Variants in STARD13 observed in about 807,000 individuals in gnomAD.
STARD13 encodes StAR related lipid transfer domain containing 13.
Under a neutral mutation model 106.4 loss-of-function variants are expected in STARD13, and 62 were observed. The observed-to-expected ratio is 0.58, with a 90% confidence interval of 0.48 to 0.72. The LOEUF (loss-of-function observed/expected upper bound fraction) is 0.72, where lower values mean the gene tolerates loss of function less well. STARD13 is among the 30% of genes least tolerant of loss of function. The pLI, the probability that STARD13 is intolerant of heterozygous loss-of-function variation, is 0.00. For missense variants in STARD13, 1,387 were observed against 1,424.0 expected (o/e 0.97, Z 0.42); for synonymous variants, 565 against 553.0 (o/e 1.02, Z -0.31).
intron 5 of STARD13, among the ~76,000 whole-genome samples, chr13:33,128,459 A>G (rs1690249738): frequency 6.6e-6 from 1 of 152,184 alleles, no homozygotes; most frequent in Non-Finnish European, 1.5e-5. Flanking sequence ...GTACTTTGTA[A>G]TTGGCACTTT....
At chr13:33,345,351 T>G (rs541453039), downstream of STARD13, among the ~76,000 whole-genome samples, 1 of 152,338 alleles carries the variant, frequency 6.6e-6, no homozygotes, top group East Asian at 1.9e-4. Flanking sequence ...TTTGTTGTTC[T>G]TTTGTAATTG....
At chr13:33,148,613 C>T (rs1880858611) in intron 3 of STARD13, among the ~76,000 whole-genome samples, 1 of 152,170 alleles carries the variant, frequency 6.6e-6, no homozygotes, top group Non-Finnish European at 1.5e-5. Flanking sequence ...AACTCTCATT[C>T]ATTGCTGGTG....
chr13:33,615,604 G>T, the STARD13 span, among the ~76,000 whole-genome samples: 1 of 152,176 alleles, frequency 6.6e-6, no homozygotes, highest in Non-Finnish European at 1.5e-5. Context: ...TTACCGAGAA[G>T]AAACTTTCCA....
intron 8 of STARD13, among the ~76,000 whole-genome samples, chr13:33,114,641 A>G (rs1404322752): frequency 2.0e-5 from 3 of 152,288 alleles, no homozygotes; most frequent in Admixed American, 2.0e-4. Context: ...TGTTTTAAAT[A>G]TGCTGCTCTA....
At chr13:33,378,249 C>G in the STARD13 span, among the ~76,000 whole-genome samples, 1 of 152,170 alleles carries the variant, frequency 6.6e-6, no homozygotes, top group East Asian at 1.9e-4. Context: ...AGCTGAGACT[C>G]CACTCCCAAG....
intron 1 of STARD13, among the ~76,000 whole-genome samples, chr13:33,310,209 AT>A (rs1475254247): frequency 6.6e-6 from 1 of 152,180 alleles, no homozygotes; most frequent in Non-Finnish European, 1.5e-5. Context: ...GATGGCCCTA[AT>A]TCCCCCTTTG....
At chr13:33,254,331 G>C (rs1890233039) in intron 1 of STARD13, among the ~76,000 whole-genome samples, 1 of 152,234 alleles carries the variant, frequency 6.6e-6, no homozygotes, top group African/African-American at 2.4e-5. Context: ...TGTGACACAG[G>C]TGAGCACCTT....
intron 1 of STARD13, among the ~76,000 whole-genome samples, chr13:33,341,568 G>A (rs2077960945): frequency 6.7e-6 from 1 of 149,840 alleles, no homozygotes; most frequent in African/African-American, 2.5e-5. Context: ...TCCAGCCTGG[G>A]CGACAGAGCG....
chr13:33,344,785 C>T (rs1266052760), downstream of STARD13, among the ~76,000 whole-genome samples: 1 of 152,174 alleles, frequency 6.6e-6, no homozygotes, highest in Non-Finnish European at 1.5e-5. Context: ...AAGACTTAGA[C>T]ATCAATTAGC....
At chr13:33,154,720 G>T (rs1379522016) in intron 3 of STARD13, among the ~76,000 whole-genome samples, 1 of 152,076 alleles carries the variant, frequency 6.6e-6, no homozygotes, top group South Asian at 2.1e-4. Flanking sequence ...AATTGAGTGG[G>T]GTGTCCTTAG....
the STARD13 span, among the ~76,000 whole-genome samples, chr13:33,440,767 A>ATTTTT: frequency 1.7e-5 from 1 of 60,100 alleles, no homozygotes; most frequent in South Asian, 8.1e-4. Flanking sequence ...GAAAACAGCG[A>ATTTTT]TTTTTTTTTT....
At position 33,251,900 on chromosome 13, in the gene STARD13, A is replaced by C. The variant is rs575548987; in HGVS notation, c.169+33570T>G. On this transcript the variant is annotated intron_variant, in intron 1 of 13. Coordinates refer to ENST00000336934, the MANE Select transcript of STARD13 (RefSeq NM_178006.4). ...TAATCCTGAACACAATTTCAAAGTA[A>C]ATTCCCTTCCTTTCCAAAACAGACA... 2.6e-5 allele frequency among the ~76,000 whole-genome samples: 4 copies of C among 152,332 alleles called. No homozygotes were observed. In the South Asian group the frequency reaches 8.3e-4, roughly 32 times the overall value.
At chr13:33,629,788 TG>T in the STARD13 span, among the ~76,000 whole-genome samples, 2 of 152,082 alleles carry the variant, frequency 1.3e-5, no homozygotes, top group Non-Finnish European at 2.9e-5. Context: ...AAGGAATAGC[TG>T]GGCAAAAAAT....
the STARD13 span, among the ~76,000 whole-genome samples, chr13:33,451,320 G>A: frequency 6.6e-6 from 1 of 152,156 alleles, no homozygotes; most frequent in African/African-American, 2.4e-5. Flanking sequence ...GTGGTGATGA[G>A]GACTCTAAAA....
chr13:33,543,526 C>T, the STARD13 span, among the ~76,000 whole-genome samples: 1 of 151,996 alleles, frequency 6.6e-6, no homozygotes, highest in Non-Finnish European at 1.5e-5. Flanking sequence ...CAGAGTTGTT[C>T]TAAATGTTTT....
the STARD13 span, among the ~76,000 whole-genome samples, chr13:33,363,119 C>G: frequency 6.6e-6 from 1 of 152,230 alleles, no homozygotes. Flanking sequence ...GAATCTTGAA[C>G]CTTTATCTCA....
the STARD13 span, among the ~76,000 whole-genome samples, chr13:33,600,642 A>T: frequency 6.6e-6 from 1 of 152,228 alleles, no homozygotes; most frequent in South Asian, 2.1e-4. Flanking sequence ...AATTTTTTTC[A>T]AAGTAAAAAG....
At chr13:33,564,379 A>G in the STARD13 span, among the ~76,000 whole-genome samples, 1 of 146,344 alleles carries the variant, frequency 6.8e-6, no homozygotes, top group Non-Finnish European at 1.5e-5. Flanking sequence ...TATCAAAAAG[A>G]CAACGAAAAA....
the STARD13 span, among the ~76,000 whole-genome samples, chr13:33,435,302 G>A: frequency 9.2e-5 from 14 of 152,300 alleles, no homozygotes; most frequent in African/African-American, 3.4e-4. Flanking sequence ...TTCCCTATCT[G>A]TATTTAAGTT....
Sources: gnomAD v4.1 joint callset for allele counts (sites outside exome capture counted in the v4.1 genomes callset) on GRCh38, gnomAD v4.1.1 for gene constraint, MANE v1.5 for transcripts, NCBI Gene and HGNC (gene_info 2026-07-23, HGNC 2026-07-21) for gene names.